Variants in CAGE1 observed in about 807,000 individuals in gnomAD.
CAGE1 encodes the protein cancer antigen 1.
In CAGE1, 66 loss-of-function variants were observed where a neutral mutation model predicts 94.9. The observed-to-expected ratio is 0.70, with a 90% CI of 0.57 to 0.85. The LOEUF (loss-of-function observed/expected upper bound fraction) is 0.85, where lower values mean the gene tolerates loss of function less well. Among genes scored for constraint, CAGE1 ranks in the 40% least tolerant of loss-of-function variants. The pLI is 0.00. For synonymous variants in CAGE1, 319 were observed against 321.0 expected (o/e 0.99, Z 0.07); for missense variants, 865 against 950.4 (o/e 0.91, Z 1.18).
intron 4 of CAGE1, among the ~76,000 whole-genome samples, chr6:7,376,690 C>T (rs936458543): frequency 6.6e-6 from 1 of 152,180 alleles, no homozygotes; most frequent in Admixed American, 6.5e-5. Flanking sequence ...CTGTACCCCT[C>T]CTCCTTCCTC....
intron 3 of CAGE1, among the ~76,000 whole-genome samples, chr6:7,383,120 T>C (rs958846749): frequency 1.3e-5 from 2 of 152,208 alleles, no homozygotes; most frequent in Non-Finnish European, 2.9e-5. Context: ...TTTCAAAGTG[T>C]TTGGCAGTTC....
chr6:7,333,444 C>A (rs962371197), intron 12 of CAGE1, among the ~76,000 whole-genome samples: 4 of 151,980 alleles, frequency 2.6e-5, no homozygotes, highest in Non-Finnish European at 5.9e-5. Context: ...ATAGTTTCTT[C>A]CTTAGAGTGA....
chr6:7,344,111 T>C (rs547262519), intron 11 of CAGE1, among the ~76,000 whole-genome samples: 1 of 152,204 alleles, frequency 6.6e-6, no homozygotes, highest in Non-Finnish European at 1.5e-5. Flanking sequence ...GGCTCCCACT[T>C]TGGTGGCACT....
intron 11 of CAGE1, among the ~76,000 whole-genome samples, chr6:7,335,549 G>A (rs968881786): frequency 1.3e-5 from 2 of 152,182 alleles, no homozygotes; most frequent in African/African-American, 2.4e-5. Context: ...TGCTGCAGCC[G>A]TGAGATCAGA....
intron 11 of CAGE1, among the ~76,000 whole-genome samples, chr6:7,349,804 C>T (rs1759697874): frequency 6.6e-6 from 1 of 151,862 alleles, no homozygotes; most frequent in South Asian, 2.1e-4. Flanking sequence ...TGGTGGTGCA[C>T]ACCTGTAATC....
At chr6:7,345,177 C>CT (rs1759406523) in intron 11 of CAGE1, among the ~76,000 whole-genome samples, 2 of 139,414 alleles carry the variant, frequency 1.4e-5, no homozygotes, top group Admixed American at 1.5e-4. Flanking sequence ...AGCTATGACA[C>CT]TCCTTGTGAA....
Position 7,380,585 on chromosome 6 carries a change from C to T in CAGE1, c.284-1565G>A, listed in dbSNP as rs191996737. ...CTGGGAGGCGGAGGTTGCAGTGAGC[C>T]GAGATCATGCCACTGCACTCCAGCG... On this transcript the variant is annotated intron_variant, in intron 3 of 13. Coordinates refer to ENST00000502583, the MANE Select transcript of CAGE1 (RefSeq NM_001170692.2). Among the ~76,000 whole-genome samples, 451 of 151,144 alleles carry T rather than the reference C, an allele frequency of 3.0e-3. 1 individual carries two copies. Among genetic ancestry groups the T allele is most frequent in the African/African-American group, 9.3e-3 (383 of 41,108 alleles).
At chr6:7,345,864 G>C (rs1759496441) in intron 11 of CAGE1, among the ~76,000 whole-genome samples, 1 of 152,158 alleles carries the variant, frequency 6.6e-6, no homozygotes, top group African/African-American at 2.4e-5. Context: ...GGAGAAGCTT[G>C]CAGTGAGCCG....
chr6:7,382,335 C>A (rs944565930), intron 3 of CAGE1, among the ~76,000 whole-genome samples: 2 of 151,890 alleles, frequency 1.3e-5, no homozygotes, highest in Non-Finnish European at 2.9e-5. Flanking sequence ...CAGAGTCTCA[C>A]TCTGTCACCC....
At chr6:7,336,156 T>C (rs1321046533) in intron 11 of CAGE1, among the ~76,000 whole-genome samples, 3 of 152,246 alleles carry the variant, frequency 2.0e-5, no homozygotes, top group Non-Finnish European at 4.4e-5. Context: ...GAGTCTATCA[T>C]GCTTTGTCAT....
intron 3 of CAGE1, among the ~76,000 whole-genome samples, chr6:7,380,178 A>G (rs1435495116): frequency 6.6e-6 from 1 of 152,210 alleles, no homozygotes; most frequent in East Asian, 1.9e-4. Flanking sequence ...ATGGGTTTAT[A>G]GTGAAAACTA....
intron 11 of CAGE1, chr6:7,341,429 T>G (rs1759170061): frequency 1.0e-6 from 1 of 968,634 alleles, no homozygotes; most frequent in East Asian, 2.6e-5. Flanking sequence ...AGATAGCATG[T>G]AAATCTCATC....
At chr6:7,383,416 C>T (rs1359990262) in intron 3 of CAGE1, among the ~76,000 whole-genome samples, 1 of 152,164 alleles carries the variant, frequency 6.6e-6, no homozygotes, top group Non-Finnish European at 1.5e-5. Context: ...TAATCATTTT[C>T]TGCATTGAGA....
At chr6:7,378,501 G>T in intron 4 of CAGE1, 116 bp downstream of exon 4, 3 of 810,006 alleles carry the variant, frequency 3.7e-6, no homozygotes, top group Non-Finnish European at 5.7e-6. Flanking sequence ...ATACTCCACA[G>T]GCTTTACTGA....
At chr6:7,368,842 A>G in intron 6 of CAGE1, 44 bp from the exon 7 acceptor site, 1 of 1,279,642 alleles carries the variant, frequency 7.8e-7, no homozygotes, top group South Asian at 1.4e-5. Context: ...AGTTTTTACT[A>G]AAGCTAAAAT....
intron 11 of CAGE1, among the ~76,000 whole-genome samples, chr6:7,345,786 G>C (rs970642808): frequency 6.6e-6 from 1 of 152,052 alleles, no homozygotes; most frequent in African/African-American, 2.4e-5. Context: ...TTAGCTGGGC[G>C]TCGTGGCAGG....
chr6:7,341,359 G>A, intron 11 of CAGE1: 1 of 747,150 alleles, frequency 1.3e-6, no homozygotes, highest in Non-Finnish European at 2.4e-6. Context: ...GTCCTGTTGT[G>A]ATCAGGCAGA....
intron 3 of CAGE1, among the ~76,000 whole-genome samples, chr6:7,381,824 C>T (rs1233762185): frequency 5.3e-5 from 8 of 151,432 alleles, no homozygotes; most frequent in Non-Finnish European, 7.4e-5. Flanking sequence ...CCACTGTGCC[C>T]GGCCTGAATT....
intron 11 of CAGE1, among the ~76,000 whole-genome samples, chr6:7,340,139 G>A (rs528277303): frequency 9.2e-5 from 14 of 152,294 alleles, no homozygotes; most frequent in Admixed American, 4.6e-4. Flanking sequence ...GTATCACATT[G>A]TGGCTTTGAT....
Sources: gnomAD v4.1 joint callset for allele counts (sites outside exome capture counted in the v4.1 genomes callset) on GRCh38, gnomAD v4.1.1 for gene constraint, MANE v1.5 for transcripts, NCBI Gene and HGNC (gene_info 2026-07-23, HGNC 2026-07-21) for gene names.